DHX8: variants seen among roughly 807,000 people sequenced by gnomAD.
The protein encoded by DHX8 is ATP-dependent RNA helicase DHX8.
In DHX8, 67 loss-of-function variants were observed where a neutral mutation model predicts 140.7. That is an observed-to-expected ratio of 0.48 (90% CI 0.39 to 0.58). The LOEUF is 0.58. Ranked by LOEUF, DHX8 falls within the 20% of genes least tolerant of loss-of-function variation. The pLI is 0.00. For missense variants in DHX8, 887 were observed against 1,550.7 expected, an observed-to-expected ratio of 0.57 and a Z score of 7.19; for synonymous variants, 533 against 553.2, an observed-to-expected ratio of 0.96 and a Z score of 0.51.
At chr17:43,532,511 A>G (rs1406113331) in intron 2 of DHX8, among the ~76,000 whole-genome samples, 1 of 152,140 alleles carries the variant, frequency 6.6e-6, no homozygotes, top group East Asian at 1.9e-4. Flanking sequence ...AAAAAAAGAA[A>G]AAGAAAGAAA....
At chr17:43,529,053 A>C (rs958274356), downstream of DHX8, 2 of 1,303,704 alleles carry the variant, frequency 1.5e-6, no homozygotes, top group Non-Finnish European at 2.2e-6. Flanking sequence ...GTTGCTGAGA[A>C]CTGCCCTGCT....
At chr17:43,520,288 CCTGTG>C (rs1481861964) in intron 19 of DHX8, 21 bp downstream of exon 19, 2 of 1,611,012 alleles carry the variant, frequency 1.2e-6, no homozygotes, top group Admixed American at 1.7e-5. Flanking sequence ...GACTCAACTT[CCTGTG>C]CTTTTGGGAA....
At chr17:43,493,390 G>A (rs2154586384) in intron 6 of DHX8, 55 bp from the exon 7 acceptor site, 2 of 1,595,382 alleles carry the variant, frequency 1.3e-6, no homozygotes, top group Non-Finnish European at 1.7e-6. Flanking sequence ...GGTAGAAATT[G>A]GTTGGGGGAA....
intron 9 of DHX8, among the ~76,000 whole-genome samples, chr17:43,497,153 C>T (rs1326383923): frequency 6.6e-6 from 1 of 152,054 alleles, no homozygotes; most frequent in Non-Finnish European, 1.5e-5. Flanking sequence ...TTAGTTTTAC[C>T]ATCTACGTAT....
intron 10 of DHX8, among the ~76,000 whole-genome samples, chr17:43,499,352 G>A (rs1424653832): frequency 1.3e-5 from 2 of 152,162 alleles, no homozygotes; most frequent in Non-Finnish European, 2.9e-5. Flanking sequence ...GAGCTGTAAG[G>A]GGAATCCAAA....
chr17:43,492,925 C>A lies in DHX8; in HGVS notation c.748C>A (p.Arg250=), dbSNP rs146727331. The A allele has an allele frequency of 1.2e-5, 20 of 1,614,108 alleles. No individual in the cohort carries two copies. The Admixed American group carries it at 2.0e-4, about 16-fold the overall frequency. ...TGGAGAGCGGAATCTGGATAGATGG[C>A]GGGATAAGCATGTGGACCGCCCTCC... ...KYGERNLDRW[R]DKHVDRPPPE... Residue 250 remains arginine, a synonymous_variant, in exon 6 of 23, where the codon CGG becomes AGG. Transcript: ENST00000262415.
chr17:43,509,902 C>T (rs1969722535), intron 16 of DHX8, among the ~76,000 whole-genome samples: 1 of 152,174 alleles, frequency 6.6e-6, no homozygotes, highest in Admixed American at 6.5e-5. Context: ...CTCCTGACCT[C>T]ATGTGATCTG....
rs1266749930 is a variant in DHX8 at position 43,498,850 on chromosome 17, G to A, written c.1301-12G>A. ...TGTTTATGGCTAATTCTTCTTTTGG[G>A]GGGACTTTTAGATGAGGACCTTGAG... On this transcript the variant is annotated splice_polypyrimidine_tract_variant and intron_variant, in intron 9 of 22. Transcript: ENST00000262415. 6.3e-7 allele frequency: 1 copy of A among 1,585,128 alleles called. No homozygotes were observed. The highest frequency in any genetic ancestry group is 8.6e-7 in the Non-Finnish European group (1 of 1,167,268).
In DHX8 at chr17:43,491,189, A is replaced by G. The variant is rs202079779; in HGVS notation, c.332A>G (p.Glu111Gly). The change falls in exon 4 of 23, where the codon GAA becomes GGA. Residue 111 changes from glutamate to glycine, a missense_variant. This residue lies in a region of DHX8 where 304 missense variants were observed against 306.9 expected (regional missense o/e 0.99). Coordinates refer to ENST00000262415, the MANE Select transcript of DHX8 (RefSeq NM_004941.3). ...GATCCAGTTGTTAAACCTAAAACAG[A>G]AAAAGAAAAGCTGAAGGAACTCTTC... ...SKDPVVKPKT[E>G]KEKLKELFPV... 7 of 1,541,558 alleles carry G rather than the reference A, an allele frequency of 4.5e-6. No homozygotes were observed. Among genetic ancestry groups the G allele is most frequent in the South Asian group, 2.6e-5 (2 of 77,090 alleles).
In DHX8 at chr17:43,491,251, G is replaced by A; in HGVS notation, c.393+1G>A. On this transcript the variant is annotated splice_donor_variant, in intron 4 of 22. Transcript: ENST00000262415. LOFTEE classifies it high-confidence loss of function. Reference sequence around the variant, plus strand: ...CCAACCGGACAACCCTTCTGTTCGGGTACTGATACCATTTTAAGAGTGTCT... The same window carrying A: ...CCAACCGGACAACCCTTCTGTTCGGATACTGATACCATTTTAAGAGTGTCT... The A allele has an allele frequency of 1.3e-6, 2 of 1,500,560 alleles. No homozygotes were observed. The highest frequency in any genetic ancestry group is 1.4e-5 in the South Asian group (1 of 73,412). 93.0% of individuals were successfully genotyped at this position (1,500,560 alleles called of 1,614,324 possible).
At chr17:43,497,193 A>T (rs929779713) in intron 9 of DHX8, among the ~76,000 whole-genome samples, 3 of 151,714 alleles carry the variant, frequency 2.0e-5, no homozygotes, top group Admixed American at 2.0e-4. Flanking sequence ...TGTGTTGTCT[A>T]TTTTTGAACT....
chr17:43,514,178 T>TA (rs1969995534), intron 17 of DHX8, among the ~76,000 whole-genome samples: 1 of 133,866 alleles, frequency 7.5e-6, no homozygotes, highest in South Asian at 2.4e-4. Context: ...TCTGTCACTA[T>TA]AAAAAATTTA....
intron 12 of DHX8, among the ~76,000 whole-genome samples, chr17:43,506,003 G>A (rs972978982): frequency 6.6e-6 from 1 of 151,726 alleles, no homozygotes; most frequent in Non-Finnish European, 1.5e-5. Flanking sequence ...AGAGATTTGT[G>A]TGTGTGTGTG....
At chr17:43,529,644 G>C, downstream of DHX8, 1 of 1,613,652 alleles carries the variant, frequency 6.2e-7, no homozygotes, top group Non-Finnish European at 8.5e-7. Context: ...GGCCCCTCTC[G>C]AAATGCACCG....
chr17:43,498,728 C>T (rs574289226), intron 9 of DHX8, 134 bp from the exon 10 acceptor site: 9 of 606,004 alleles, frequency 1.5e-5, no homozygotes, highest in South Asian at 4.0e-5. Flanking sequence ...AGATTACAGG[C>T]GTGAGCCACC....
rs1303625375 is a variant in DHX8 at position 43,522,818 on chromosome 17, C to T, written c.3443+592C>T. ...GTGGCTCACGTCTGTAATCCCAGCA[C>T]TTTGGGAGGCCGAGGCAGGTGGATC... is the stretch of plus-strand genomic sequence containing the variant. On this transcript the variant is annotated intron_variant, in intron 22 of 22. Coordinates refer to ENST00000262415, the MANE Select transcript of DHX8 (RefSeq NM_004941.3). Among the ~76,000 whole-genome samples, 5 of 148,940 alleles carry T rather than the reference C, an allele frequency of 3.4e-5. No individual in the cohort carries two copies. The Admixed American group carries it at 3.4e-4, about 10-fold the overall frequency.
intron 18 of DHX8, chr17:43,518,950 G>A (rs1341442862): frequency 1.3e-5 from 2 of 152,074 alleles, no homozygotes; most frequent in African/African-American, 2.4e-5. Context: ...CCTTTCTAAG[G>A]GTGAATAGTA....
At position 43,497,962 on chromosome 17, in the gene DHX8, G is replaced by C. The variant is rs557777754; in HGVS notation, c.1301-900G>C. ...TCCACAATGAAGTTGGATGGCAAATGCCCTAGTACCATTTAGAATGTCAGG... is the reference window on the plus strand; with the variant it reads ...TCCACAATGAAGTTGGATGGCAAATCCCCTAGTACCATTTAGAATGTCAGG... On this transcript the variant is annotated intron_variant, in intron 9 of 22. Coordinates refer to ENST00000262415, the MANE Select transcript of DHX8 (RefSeq NM_004941.3). Among the ~76,000 whole-genome samples, 227 of 152,252 alleles carry C rather than the reference G, an allele frequency of 1.5e-3. 2 individuals carry two copies. Among genetic ancestry groups the C allele is most frequent in the African/African-American group, 5.2e-3 (216 of 41,542 alleles).
rs1159577741 is a variant in DHX8 at position 43,523,612 on chromosome 17, C to T, written c.3444-16C>T. ...CTATATCCAGAGGCTTGAGTACTAT[C>T]TCTGTCCCCCCTCAGGGTGGTGTAC... On this transcript the variant is annotated splice_polypyrimidine_tract_variant and intron_variant, in intron 22 of 22. Coordinates refer to ENST00000262415, the MANE Select transcript of DHX8 (RefSeq NM_004941.3). 1 of 1,613,790 alleles carries T rather than the reference C, an allele frequency of 6.2e-7. No homozygotes were observed. The highest frequency in any genetic ancestry group is 8.5e-7 in the Non-Finnish European group (1 of 1,179,836).
Sources: gnomAD v4.1 joint callset for allele counts (sites outside exome capture counted in the v4.1 genomes callset) on GRCh38, gnomAD v4.1.1 for gene constraint, gnomAD v4.1.1 regional missense constraint, MANE v1.5 for transcripts, NCBI Gene and HGNC (gene_info 2026-07-23, HGNC 2026-07-21) for gene names.